Variants in NPEPL1 observed in about 807,000 individuals in gnomAD.
NPEPL1 encodes the protein probable aminopeptidase NPEPL1.
NPEPL1 carries 45 observed loss-of-function variants against 52.4 expected under a neutral mutation model. The observed-to-expected ratio is 0.86, with a 90% CI of 0.68 to 1.10. The LOEUF is 1.10. Among genes scored for constraint, NPEPL1 ranks in the 50% least tolerant of loss-of-function variants. NPEPL1 has a pLI of 0.00. For synonymous variants in NPEPL1, 360 were observed against 314.7 expected (o/e 1.14, Z -1.52); for missense variants, 696 against 710.9 (o/e 0.98, Z 0.24).
At chr20:58,705,761 C>G (rs2084724028) in intron 6 of NPEPL1, among the ~76,000 whole-genome samples, 1 of 152,336 alleles carries the variant, frequency 6.6e-6, no homozygotes, top group Admixed American at 6.5e-5. Flanking sequence ...ACGGGGGAGA[C>G]ATGGTGTACA....
At chr20:58,695,543 G>A (rs1396623451) in intron 3 of NPEPL1, among the ~76,000 whole-genome samples, 2 of 152,028 alleles carry the variant, frequency 1.3e-5, no homozygotes, top group South Asian at 2.1e-4. Context: ...AGCCCACAGC[G>A]CCACCCAGGT....
In NPEPL1 at chr20:58,712,514, G is replaced by C; in HGVS notation, c.936G>C (p.Leu312Phe). Reference sequence around the variant, plus strand: ...ACAACCTCCACGCTGTGTTCTGCTTGGCTGAGAACTCGGTGGGGCCCAATG... The same window carrying C: ...ACAACCTCCACGCTGTGTTCTGCTTCGCTGAGAACTCGGTGGGGCCCAATG... The part of the protein sequence containing the change: ...FKDNLHAVFC[L>F]AENSVGPNAT... The change falls in exon 8 of 12, where the codon TTG becomes TTC. Residue 312 changes from leucine to phenylalanine, a missense_variant. Coordinates refer to ENST00000356091, the MANE Select transcript of NPEPL1 (RefSeq NM_024663.4). 2 of 1,613,532 alleles carry C rather than the reference G, an allele frequency of 1.2e-6. No homozygotes were observed. The highest frequency in any genetic ancestry group is 1.7e-6 in the Non-Finnish European group (2 of 1,179,796).
upstream of NPEPL1, chr20:58,692,067 CCCT>C: frequency 1.8e-6 from 1 of 570,986 alleles, no homozygotes; most frequent in Non-Finnish European, 3.1e-6. The surrounding 1 kb of genome is among the most constrained non-coding windows in gnomAD (Gnocchi z 5.7). Context: ...CTCATCTCGT[CCCT>C]CCTTTCCTGC....
chr20:58,691,243 C>T, upstream of NPEPL1: 1 of 684,518 alleles, frequency 1.5e-6, no homozygotes, highest in African/African-American at 1.8e-5. Flanking sequence ...TACCCTTTAC[C>T]AATGTGTGAA....
At chr20:58,698,211 G>A (rs1330960908) in intron 3 of NPEPL1, among the ~76,000 whole-genome samples, 1 of 152,056 alleles carries the variant, frequency 6.6e-6, no homozygotes, top group Non-Finnish European at 1.5e-5. Context: ...AAAAGCTACT[G>A]GTAGATACGG....
rs1601137810 is a variant in NPEPL1, at chr20:58,713,061, C to T, written c.1002-359C>T. On this transcript the variant is annotated intron_variant, in intron 8 of 11. Coordinates refer to ENST00000356091, the MANE Select transcript of NPEPL1 (RefSeq NM_024663.4). The surrounding 1 kb of genome is among the most constrained non-coding windows in gnomAD (Gnocchi z 4.6). ...TGGTGCCTGAGTGGGCGCCTCCCCG[C>T]ATCTCCTGCTCTTCCTCCCCATCTG... is the stretch of plus-strand genomic sequence containing the variant. 2 of 355,040 alleles carry T rather than the reference C, an allele frequency of 5.6e-6. No individual in the cohort carries two copies. The highest frequency in any genetic ancestry group is 1.3e-4 in the East Asian group (2 of 15,582). The allele number at this position is 355,040 out of a possible 1,614,324, so 22.0% of individuals were successfully genotyped here.
upstream of NPEPL1, chr20:58,692,089 T>TG: frequency 4.0e-6 from 2 of 501,480 alleles, no homozygotes; most frequent in South Asian, 6.0e-5. This position sits in a 1 kb window ranked among gnomAD's most constrained non-coding sequence, Gnocchi z 5.7. Context: ...GCTTAGACTG[T>TG]GCCAGATGAC....
chr20:58,707,154 G>C lies in NPEPL1; in HGVS notation c.854G>C (p.Gly285Ala). Residue 285 changes from glycine (G) to alanine (A), a missense_variant, in exon 7 of 12, where the codon GGG (glycine) becomes GCG (alanine). Transcript: ENST00000356091. ...TTMPGMKRDCGGAAAVLGAFR... is the reference protein window; with the variant it reads ...TTMPGMKRDCAGAAAVLGAFR... ...ATGCCGGGGATGAAGCGAGACTGCG[G>C]GGGTGCTGCGGCCGTCCTGGGGGCC... The C allele has an allele frequency of 1.9e-6, 3 of 1,552,662 alleles. No homozygotes were observed. The highest frequency in any genetic ancestry group is 2.6e-6 in the Non-Finnish European group (3 of 1,147,860).
chr20:58,709,865 G>GTCTGA (rs1056627732), intron 7 of NPEPL1, among the ~76,000 whole-genome samples: 1 of 152,154 alleles, frequency 6.6e-6, no homozygotes, highest in African/African-American at 2.4e-5. Context: ...TTGATGTGTG[G>GTCTGA]TCTGATCTGA....
chr20:58,691,183 CG>C (rs145717558), upstream of NPEPL1: 3,376 of 702,906 alleles, frequency 4.8e-3, 84 homozygotes, highest in African/African-American at 0.051. Flanking sequence ...CTGTCTGCAA[CG>C]TATTTGCAAA....
At chr20:58,705,239 C>T (rs1431907388) in intron 6 of NPEPL1, among the ~76,000 whole-genome samples, 1 of 152,056 alleles carries the variant, frequency 6.6e-6, no homozygotes, top group East Asian at 1.9e-4. Context: ...AATTAAATGC[C>T]ATTTGTCTGT....
chr20:58,712,140 G>A (rs2084861077), intron 7 of NPEPL1, among the ~76,000 whole-genome samples: 1 of 152,130 alleles, frequency 6.6e-6, no homozygotes, highest in African/African-American at 2.4e-5. Flanking sequence ...TTGAGGGGAC[G>A]CGGCTGCTGG....
intron 7 of NPEPL1, among the ~76,000 whole-genome samples, chr20:58,709,703 G>C (rs6100177): frequency 0.32 from 48,412 of 152,212 alleles, 11,359 homozygotes; most frequent in African/African-American, 0.66. Context: ...GGGAAGGACA[G>C]AGCATTTCTG....
At chr20:58,691,974 C>G (rs1054068734), upstream of NPEPL1, 90 of 658,878 alleles carry the variant, frequency 1.4e-4, no homozygotes, top group Middle Eastern at 1.9e-3. Flanking sequence ...CTCCACCACC[C>G]GGCTCCTGCC....
At chr20:58,703,483 T>C in intron 6 of NPEPL1, 1 of 971,332 alleles carries the variant, frequency 1.0e-6, no homozygotes, top group Non-Finnish European at 1.2e-6. Flanking sequence ...GCACCCTCAA[T>C]ACCCACGGTC....
intron 3 of NPEPL1, among the ~76,000 whole-genome samples, chr20:58,697,381 C>G (rs897880105): frequency 1.3e-5 from 2 of 152,244 alleles, no homozygotes; most frequent in African/African-American, 4.8e-5. Context: ...TCAGACAGTC[C>G]TTGTCGAGTC....
chr20:58,691,842 T>G (rs1394405105), upstream of NPEPL1: 5 of 1,533,652 alleles, frequency 3.3e-6, no homozygotes, highest in African/African-American at 6.9e-5. Context: ...TAACAGATTT[T>G]TGCTTTTAAA....
chr20:58,709,896 A>G (rs1366657277), intron 7 of NPEPL1, among the ~76,000 whole-genome samples: 3 of 152,170 alleles, frequency 2.0e-5, no homozygotes, highest in Admixed American at 6.5e-5. Flanking sequence ...TGAGGAGCAC[A>G]TGGAATCTGG....
At chr20:58,707,977 G>A (rs949285966) in intron 7 of NPEPL1, among the ~76,000 whole-genome samples, 1 of 152,190 alleles carries the variant, frequency 6.6e-6, no homozygotes, top group Admixed American at 6.5e-5. Flanking sequence ...AGCTACTTGG[G>A]AGGCTGAGGT....
Sources: allele counts gnomAD v4.1 joint callset (sites outside exome capture counted in the v4.1 genomes callset), GRCh38; gene constraint gnomAD v4.1.1; non-coding constraint Gnocchi (gnomAD v3.1); transcripts MANE v1.5; gene names NCBI Gene and HGNC (gene_info 2026-07-23, HGNC 2026-07-21).